The following MCTP1 variants were observed in gnomAD, a reference collection of about 807,000 sequenced individuals.
MCTP1 encodes the protein multiple C2 and transmembrane domain containing 1, also known as multiple C2 and transmembrane domain-containing protein 1.
In MCTP1, 69 loss-of-function variants were observed where a neutral mutation model predicts 120.6. That is an observed-to-expected ratio of 0.57 (90% confidence interval 0.47 to 0.70). The LOEUF (loss-of-function observed/expected upper bound fraction) is 0.70. Ranked by LOEUF, MCTP1 falls within the 30% of genes least tolerant of loss-of-function variation. The pLI is 0.00. For missense variants in MCTP1, 1,203 were observed against 1,248.8 expected (o/e 0.96, Z 0.55); for synonymous variants, 529 against 493.1 (o/e 1.07, Z -0.96).
chr5:95,008,213 C>T (rs989204064), intron 2 of MCTP1, among the ~76,000 whole-genome samples: 6 of 152,104 alleles, frequency 3.9e-5, no homozygotes, highest in Non-Finnish European at 7.3e-5. Context: ...ATTACCATGA[C>T]AATGACCAGA....
intron 14 of MCTP1, 57 bp from the exon 15 acceptor site, chr5:94,871,030 C>T: frequency 7.3e-7 from 1 of 1,369,800 alleles, no homozygotes; most frequent in African/African-American, 1.4e-5. Flanking sequence ...AATACACTCC[C>T]TCAGTGACCT....
At chr5:94,822,550 T>C (rs1318822328) in intron 17 of MCTP1, among the ~76,000 whole-genome samples, 1 of 152,212 alleles carries the variant, frequency 6.6e-6, no homozygotes. Flanking sequence ...AGTAGAATGA[T>C]TTATAATCCT....
At chr5:95,178,730 A>C (rs1300779852) in intron 1 of MCTP1, among the ~76,000 whole-genome samples, 2 of 152,160 alleles carry the variant, frequency 1.3e-5, no homozygotes, top group Admixed American at 1.3e-4. Context: ...ATGAGAAGGA[A>C]CCAGAAAAAT....
chr5:95,054,842 C>G (rs1460001736), intron 1 of MCTP1, among the ~76,000 whole-genome samples: 1 of 152,068 alleles, frequency 6.6e-6, no homozygotes, highest in Non-Finnish European at 1.5e-5. Flanking sequence ...CTCTGTTGCC[C>G]AGGCTGGAGT....
chr5:95,213,753 A>G (rs1752688266), intron 1 of MCTP1, among the ~76,000 whole-genome samples: 1 of 152,246 alleles, frequency 6.6e-6, no homozygotes, highest in African/African-American at 2.4e-5. Context: ...GAGAAAAACA[A>G]GCAATGGGGA....
chr5:95,065,649 T>C (rs888202498), intron 1 of MCTP1, among the ~76,000 whole-genome samples: 1 of 152,246 alleles, frequency 6.6e-6, no homozygotes, highest in African/African-American at 2.4e-5. Flanking sequence ...TTGTATTTTA[T>C]GGTAAAGCAT....
At chr5:95,194,138 C>T (rs547392303) in intron 1 of MCTP1, among the ~76,000 whole-genome samples, 3 of 151,964 alleles carry the variant, frequency 2.0e-5, no homozygotes, top group Non-Finnish European at 4.4e-5. Flanking sequence ...ATAGCTTGAG[C>T]CCAGGAGTCT....
At chr5:94,755,953 A>G (rs374139339) in intron 19 of MCTP1, among the ~76,000 whole-genome samples, 1 of 152,100 alleles carries the variant, frequency 6.6e-6, no homozygotes, top group East Asian at 1.9e-4. Flanking sequence ...AACAGAAGTA[A>G]TTTTTTTCCC....
chr5:94,793,189 T>C (rs1385351410), intron 18 of MCTP1, among the ~76,000 whole-genome samples: 4 of 152,168 alleles, frequency 2.6e-5, no homozygotes, highest in African/African-American at 7.2e-5. Context: ...CAAAGCCTGA[T>C]GACGATGGTT....
At chr5:94,925,585 T>A (rs974293610) in intron 6 of MCTP1, among the ~76,000 whole-genome samples, 8 of 152,010 alleles carry the variant, frequency 5.3e-5, no homozygotes, top group African/African-American at 1.9e-4. Flanking sequence ...ATTATTTGTA[T>A]TTTTTAGTAG....
At chr5:94,851,203 C>A (rs1793632676) in intron 17 of MCTP1, among the ~76,000 whole-genome samples, 1 of 152,004 alleles carries the variant, frequency 6.6e-6, no homozygotes. Context: ...AACTATAAGG[C>A]AAGTTATTAG....
chr5:95,097,077 T>C (rs549325798), intron 1 of MCTP1, among the ~76,000 whole-genome samples: 1 of 152,196 alleles, frequency 6.6e-6, no homozygotes, highest in South Asian at 2.1e-4. Flanking sequence ...CCTGATTATA[T>C]CAGCAATGCC....
At chr5:95,266,089 G>C (rs1758858545) in intron 1 of MCTP1, among the ~76,000 whole-genome samples, 1 of 152,162 alleles carries the variant, frequency 6.6e-6, no homozygotes, top group Non-Finnish European at 1.5e-5. Context: ...AAATGCTGCA[G>C]GCTACAGCTT....
chr5:95,177,179 A>C (rs1368839736), intron 1 of MCTP1, among the ~76,000 whole-genome samples: 1 of 151,806 alleles, frequency 6.6e-6, no homozygotes, highest in Non-Finnish European at 1.5e-5. Context: ...TTATATTTAC[A>C]TGTACCCACA....
chr5:95,096,749 G>A (rs981864935), intron 1 of MCTP1, among the ~76,000 whole-genome samples: 20 of 152,194 alleles, frequency 1.3e-4, no homozygotes, highest in African/African-American at 3.9e-4. Flanking sequence ...GGCCTGAAAT[G>A]CCTTTTATGC....
chr5:94,905,384 T>G (rs538781816), intron 10 of MCTP1, among the ~76,000 whole-genome samples: 6 of 152,332 alleles, frequency 3.9e-5, no homozygotes, highest in African/African-American at 1.4e-4. Flanking sequence ...TTAAGTTACT[T>G]TATTTTTGTT....
intron 19 of MCTP1, among the ~76,000 whole-genome samples, chr5:94,765,942 C>T (rs1361186918): frequency 2.0e-5 from 3 of 151,846 alleles, no homozygotes; most frequent in Non-Finnish European, 4.4e-5. Flanking sequence ...TATATACTAA[C>T]AAATTAGAAA....
At chr5:95,116,174 A>G (rs2152397360) in intron 1 of MCTP1, among the ~76,000 whole-genome samples, 1 of 152,296 alleles carries the variant, frequency 6.6e-6, no homozygotes, top group South Asian at 2.1e-4. Flanking sequence ...TTCAATCAGA[A>G]AGAAAAAGAC....
intron 2 of MCTP1, among the ~76,000 whole-genome samples, chr5:95,001,555 A>G (rs1188234288): frequency 6.6e-6 from 1 of 152,162 alleles, no homozygotes; most frequent in Non-Finnish European, 1.5e-5. Context: ...TCAGATGGAA[A>G]TGAGGAGCTT....
Sources: gnomAD v4.1 joint callset for allele counts (sites outside exome capture counted in the v4.1 genomes callset) on GRCh38, gnomAD v4.1.1 for gene constraint, MANE v1.5 for transcripts, NCBI Gene and HGNC (gene_info 2026-07-23, HGNC 2026-07-21) for gene names.